Variants in BCAS1 observed in about 807,000 individuals in gnomAD.
BCAS1 encodes the protein breast carcinoma-amplified sequence 1.
Under a neutral mutation model 65.4 loss-of-function variants are expected in BCAS1, and 46 were observed. That is an observed-to-expected ratio of 0.70 (90% CI 0.55 to 0.90). The LOEUF is 0.90. Ranked by LOEUF, BCAS1 falls within the 40% of genes least tolerant of loss-of-function variation. The probability of loss-of-function intolerance (pLI) is 0.00; values close to 1 mark genes in which losing one functional copy is unlikely to be tolerated. For missense variants in BCAS1, 793 were observed against 771.2 expected (o/e 1.03, Z -0.33); for synonymous variants, 298 against 293.5 (o/e 1.02, Z -0.16).
At chr20:54,059,432 A>AT (rs375639955) in intron 1 of BCAS1, among the ~76,000 whole-genome samples, 34 of 151,354 alleles carry the variant, frequency 2.2e-4, no homozygotes, top group African/African-American at 3.9e-4. Flanking sequence ...AAATAATAAT[A>AT]TTTTTTTCTG....
chr20:53,975,104 C>T (rs1320520614), intron 9 of BCAS1, among the ~76,000 whole-genome samples: 2 of 152,196 alleles, frequency 1.3e-5, no homozygotes, highest in African/African-American at 4.8e-5. Flanking sequence ...AAGCGCAAAG[C>T]TGTTCTTACG....
At chr20:53,962,330 C>T (rs1020881535) in intron 10 of BCAS1, among the ~76,000 whole-genome samples, 1 of 152,136 alleles carries the variant, frequency 6.6e-6, no homozygotes, top group South Asian at 2.1e-4. Context: ...TTAATTTACC[C>T]ATTATTAAAG....
chr20:53,967,195 A>G, intron 9 of BCAS1, 122 bp from the exon 10 acceptor site: 1 of 969,980 alleles, frequency 1.0e-6, no homozygotes. Flanking sequence ...TGAATCTATG[A>G]CCATTTCTAC....
At chr20:54,016,127 T>A (rs143449426) in intron 4 of BCAS1, among the ~76,000 whole-genome samples, 2 of 152,206 alleles carry the variant, frequency 1.3e-5, no homozygotes, top group Non-Finnish European at 2.9e-5. Flanking sequence ...TTTAACATTA[T>A]ACTATCACTT....
At chr20:53,952,172 A>G (rs1435427245) in intron 12 of BCAS1, among the ~76,000 whole-genome samples, 1 of 152,260 alleles carries the variant, frequency 6.6e-6, no homozygotes, top group Non-Finnish European at 1.5e-5. Context: ...CAAGTAATGT[A>G]TTCCAACTTT....
At chr20:54,036,295 A>T (rs1197934383) in intron 3 of BCAS1, among the ~76,000 whole-genome samples, 1 of 151,408 alleles carries the variant, frequency 6.6e-6, no homozygotes, top group Non-Finnish European at 1.5e-5. Context: ...TTTTTAAAAA[A>T]GTCAAAGAAT....
At chr20:53,981,079 G>C (rs1205823928) in intron 8 of BCAS1, among the ~76,000 whole-genome samples, 1 of 152,168 alleles carries the variant, frequency 6.6e-6, no homozygotes, top group African/African-American at 2.4e-5. Context: ...CTCCTTTAAA[G>C]AGCAAATTCA....
chr20:53,967,181 G>A, intron 9 of BCAS1, 108 bp from the exon 10 acceptor site: 2 of 1,140,128 alleles, frequency 1.8e-6, no homozygotes, highest in East Asian at 4.9e-5. Context: ...AGTAGCTACA[G>A]TTTTGAATCT....
chr20:53,946,259 T>C (rs760851843), intron 12 of BCAS1, among the ~76,000 whole-genome samples: 23 of 151,970 alleles, frequency 1.5e-4, no homozygotes, highest in Non-Finnish European at 2.9e-4. Context: ...GTGCCTTTTG[T>C]GGTCAACCGC....
chr20:53,966,939 T>C lies in BCAS1; in HGVS notation c.1452A>G (p.Pro484=). 1 of 1,612,752 alleles carries C rather than the reference T, an allele frequency of 6.2e-7. No homozygotes were observed. The highest frequency in any genetic ancestry group is 1.7e-5 in the Admixed American group (1 of 59,752). The part of the protein sequence containing the change: ...EAKLKREESK[P]RTSLMAFLRQ... Reference sequence around the variant, plus strand: ...TGAGAAACGCCATCAGAGAGGTTCTTGGTTTGCTTTCTTCTCTTTTGAGTT... The same window carrying C: ...TGAGAAACGCCATCAGAGAGGTTCTCGGTTTGCTTTCTTCTCTTTTGAGTT... The change falls in exon 10 of 13, where the codon CCA becomes CCG. Residue 484 remains proline, a synonymous_variant. Transcript: ENST00000688948.
chr20:53,953,182 G>A (rs971039578), intron 12 of BCAS1, among the ~76,000 whole-genome samples: 12 of 152,170 alleles, frequency 7.9e-5, no homozygotes, highest in Non-Finnish European at 1.6e-4. Flanking sequence ...AACTCTATGA[G>A]TTAGGCATCA....
At position 53,967,077 on chromosome 20, in the gene BCAS1, G is replaced by A. The variant is rs775115425; in HGVS notation, c.1318-4C>T. On this transcript the variant is annotated splice_region_variant and splice_polypyrimidine_tract_variant and intron_variant, in intron 9 of 12. Coordinates refer to ENST00000688948, the MANE Select transcript of BCAS1 (RefSeq NM_001366298.2). ...CTACTGGTGACTCACACACCACCTG[G>A]ATTATTTTGCCAGGTAATAAGAAAA... is the stretch of plus-strand genomic sequence containing the variant. 9 of 1,598,628 alleles carry A rather than the reference G, an allele frequency of 5.6e-6. No individual in the cohort carries two copies. In the African/African-American group the frequency reaches 1.2e-4, roughly 22 times the overall value.
chr20:54,058,055 G>A lies in BCAS1; in HGVS notation c.142+30C>T, dbSNP rs376578325. The stretch of plus-strand genomic sequence containing the variant: ...TGCAGACCCCCCTTCCCCACGAGAG[G>A]GTAGATGCCCTTCCCAGAGTAGCAC... On this transcript the variant is annotated intron_variant, in intron 3 of 12. Coordinates refer to ENST00000688948, the MANE Select transcript of BCAS1 (RefSeq NM_001366298.2). 14 of 1,574,966 alleles carry A rather than the reference G, an allele frequency of 8.9e-6. No individual in the cohort carries two copies. In the African/African-American group the frequency reaches 1.8e-4, roughly 20 times the overall value.
chr20:53,964,100 A>G (rs961693095), intron 10 of BCAS1, among the ~76,000 whole-genome samples: 1 of 152,246 alleles, frequency 6.6e-6, no homozygotes, highest in Non-Finnish European at 1.5e-5. Flanking sequence ...AAGTGAATGC[A>G]TGAAATGCAA....
chr20:54,027,221 A>C (rs1026246874), intron 4 of BCAS1, among the ~76,000 whole-genome samples: 2 of 152,230 alleles, frequency 1.3e-5, no homozygotes, highest in African/African-American at 2.4e-5. Flanking sequence ...AGCCTAAAAC[A>C]CATGATGACT....
At chr20:54,046,938 G>A (rs1203994800) in intron 3 of BCAS1, among the ~76,000 whole-genome samples, 1 of 152,144 alleles carries the variant, frequency 6.6e-6, no homozygotes, top group Non-Finnish European at 1.5e-5. Context: ...GCCTTGAAAG[G>A]ATGAAGATGG....
chr20:54,040,964 G>T lies in BCAS1; in HGVS notation c.143-11992C>A, dbSNP rs564551821. ...CCATCAATTGGAAAAAGGAAATCTAGCATTTGCATATAATAGAGTATTAAT... is the reference window on the plus strand; with the variant it reads ...CCATCAATTGGAAAAAGGAAATCTATCATTTGCATATAATAGAGTATTAAT... On this transcript the variant is annotated intron_variant, in intron 3 of 12. Coordinates refer to ENST00000688948, the MANE Select transcript of BCAS1 (RefSeq NM_001366298.2). Among the ~76,000 whole-genome samples, 144 of 151,430 alleles carry T rather than the reference G, an allele frequency of 9.5e-4. 2 individuals are homozygous for T. Among genetic ancestry groups the T allele is most frequent in the African/African-American group, 3.3e-3 (136 of 41,426 alleles).
chr20:54,026,435 G>A (rs1261914811), intron 4 of BCAS1, among the ~76,000 whole-genome samples: 1 of 152,202 alleles, frequency 6.6e-6, no homozygotes, highest in Non-Finnish European at 1.5e-5. Context: ...TTATGGCTGA[G>A]TACATTGGAG....
chr20:54,019,244 G>T (rs2146021050), intron 4 of BCAS1, among the ~76,000 whole-genome samples: 1 of 152,290 alleles, frequency 6.6e-6, no homozygotes, highest in South Asian at 2.1e-4. Flanking sequence ...GGAAAATTGA[G>T]CTACCTTGTT....
Sources: gnomAD v4.1 joint callset for allele counts (sites outside exome capture counted in the v4.1 genomes callset) on GRCh38, gnomAD v4.1.1 for gene constraint, MANE v1.5 for transcripts, NCBI Gene and HGNC (gene_info 2026-07-23, HGNC 2026-07-21) for gene names.